The following ROBO1 variants were observed in gnomAD, a reference collection of about 807,000 sequenced individuals.
ROBO1 encodes the protein roundabout homolog 1.
ROBO1 carries 149 observed loss-of-function variants against 195.9 expected under a neutral mutation model. The observed-to-expected ratio is 0.76, with a 90% CI of 0.67 to 0.87. ROBO1 has a LOEUF of 0.87. Among genes scored for constraint, ROBO1 ranks in the 40% least tolerant of loss-of-function variants. The pLI is 0.00. For missense variants in ROBO1, 1,933 were observed against 2,068.3 expected (o/e 0.93, Z 1.27); for synonymous variants, 816 against 733.2 (o/e 1.11, Z -1.82).
intron 2 of ROBO1, among the ~76,000 whole-genome samples, chr3:79,455,875 T>G (rs1046556788): frequency 2.0e-5 from 3 of 152,136 alleles, no homozygotes; most frequent in Non-Finnish European, 4.4e-5. Context: ...CATGACACTC[T>G]GTAAAATATC....
intron 3 of ROBO1, among the ~76,000 whole-genome samples, chr3:78,999,660 G>C (rs1430911731): frequency 6.6e-6 from 1 of 152,088 alleles, no homozygotes; most frequent in Non-Finnish European, 1.5e-5. Context: ...ATATACCTTT[G>C]TAACAAACCT....
chr3:78,718,536 A>AT (rs2081958328), intron 5 of ROBO1, among the ~76,000 whole-genome samples: 1 of 152,122 alleles, frequency 6.6e-6, no homozygotes, highest in Admixed American at 6.6e-5. Context: ...ACTCTTGAAC[A>AT]TATAATTAAT....
intron 2 of ROBO1, among the ~76,000 whole-genome samples, chr3:79,234,666 T>C (rs189996557): frequency 7.6e-4 from 115 of 152,252 alleles, no homozygotes; most frequent in Non-Finnish European, 1.4e-3. Context: ...TCATGTTCTT[T>C]GCAGCAACAT....
chr3:78,720,953 G>T lies in ROBO1; in HGVS notation c.658-3070C>A, dbSNP rs188217728. Among the ~76,000 whole-genome samples the T allele has an allele frequency of 3.2e-3, 488 of 150,738 alleles. 5 individuals are homozygous for T. Among genetic ancestry groups the T allele is most frequent in the Non-Finnish European group, 4.7e-3 (316 of 67,908 alleles). Reference sequence around the variant, plus strand: ...ACACTGGGACCTGTTGTGGGGTTGGGGGGGGGGCGGTGGAGGCATAGCATT... The same window carrying T: ...ACACTGGGACCTGTTGTGGGGTTGGTGGGGGGGCGGTGGAGGCATAGCATT... On this transcript the variant is annotated intron_variant, in intron 5 of 30. Transcript: ENST00000464233.
chr3:79,412,873 G>GTT (rs1575790696), intron 2 of ROBO1, among the ~76,000 whole-genome samples: 2 of 34,828 alleles, frequency 5.7e-5, no homozygotes, highest in African/African-American at 1.2e-4. Flanking sequence ...CTCATGAGCT[G>GTT]ATTTTTTTTT....
intron 8 of ROBO1, among the ~76,000 whole-genome samples, chr3:78,705,665 G>C (rs567008584): frequency 2.0e-5 from 3 of 152,270 alleles, no homozygotes; most frequent in East Asian, 3.9e-4. Context: ...TTCTGGAAGA[G>C]ATTAGCATTT....
At chr3:79,530,358 G>A (rs1335239839) in intron 2 of ROBO1, among the ~76,000 whole-genome samples, 3 of 151,908 alleles carry the variant, frequency 2.0e-5, no homozygotes, top group Non-Finnish European at 2.9e-5. Flanking sequence ...TACTGAGTTC[G>A]AGAGAGATTT....
intron 19 of ROBO1, among the ~76,000 whole-genome samples, chr3:78,648,263 T>C (rs1706426411): frequency 1.3e-5 from 2 of 151,948 alleles, no homozygotes; most frequent in Non-Finnish European, 2.9e-5. Context: ...TTTCACTGAG[T>C]GGAAATGCCT....
intron 2 of ROBO1, among the ~76,000 whole-genome samples, chr3:79,166,343 A>G (rs2081062687): frequency 6.6e-6 from 1 of 152,144 alleles, no homozygotes; most frequent in South Asian, 2.1e-4. Flanking sequence ...GATGGTTATG[A>G]TGGTACTGCA....
At chr3:78,687,953 G>A (rs996554254) in intron 9 of ROBO1, among the ~76,000 whole-genome samples, 5 of 152,044 alleles carry the variant, frequency 3.3e-5, no homozygotes, top group African/African-American at 1.2e-4. Context: ...TATTGAAGAA[G>A]GCAAACCATT....
chr3:79,721,218 G>A (rs578200737), intron 1 of ROBO1, among the ~76,000 whole-genome samples: 78 of 152,226 alleles, frequency 5.1e-4, no homozygotes, highest in African/African-American at 1.8e-3. Context: ...GAACCCCTGT[G>A]CCAAATCATT....
intron 7 of ROBO1, among the ~76,000 whole-genome samples, chr3:78,716,818 C>A (rs1233165913): frequency 6.6e-6 from 1 of 152,078 alleles, no homozygotes; most frequent in Non-Finnish European, 1.5e-5. Flanking sequence ...CTGCTCCTGG[C>A]CAATTTAAGG....
chr3:78,713,837 G>A (rs965695767), intron 8 of ROBO1, among the ~76,000 whole-genome samples: 2 of 152,214 alleles, frequency 1.3e-5, no homozygotes, highest in African/African-American at 4.8e-5. Context: ...ACTGCAATTC[G>A]TTCAATCAAC....
intron 3 of ROBO1, 26 bp downstream of exon 3, chr3:79,125,430 T>C: frequency 1.3e-6 from 2 of 1,588,824 alleles, no homozygotes; most frequent in East Asian, 2.2e-5. Flanking sequence ...AGGAGGAAGT[T>C]AGTATTTGGG....
chr3:79,706,097 T>C (rs760260723), intron 1 of ROBO1, among the ~76,000 whole-genome samples: 3 of 152,114 alleles, frequency 2.0e-5, no homozygotes, highest in Non-Finnish European at 4.4e-5. Flanking sequence ...CAAACATGTC[T>C]GTCATCTGTT....
intron 1 of ROBO1, among the ~76,000 whole-genome samples, chr3:79,657,641 T>C (rs935270632): frequency 1.3e-5 from 2 of 152,072 alleles, no homozygotes; most frequent in Admixed American, 6.6e-5. Context: ...ATTTATTATA[T>C]GTATTAGATT....
At chr3:79,574,556 C>T (rs920300539) in intron 2 of ROBO1, among the ~76,000 whole-genome samples, 12 of 151,730 alleles carry the variant, frequency 7.9e-5, no homozygotes, top group African/African-American at 1.5e-4. Flanking sequence ...GTGGCAATTC[C>T]GCTTACCAAG....
At chr3:79,515,105 AAC>A (rs1249372233) in intron 2 of ROBO1, among the ~76,000 whole-genome samples, 2 of 152,134 alleles carry the variant, frequency 1.3e-5, no homozygotes, top group African/African-American at 4.8e-5. Flanking sequence ...TCCCCTTCCA[AAC>A]ACAGCCTGGA....
chr3:79,672,619 T>C (rs1406455693), intron 1 of ROBO1, among the ~76,000 whole-genome samples: 5 of 151,914 alleles, frequency 3.3e-5, no homozygotes, highest in African/African-American at 9.7e-5. Context: ...ATACTTTAAA[T>C]TGGGGGGACA....
Sources: allele counts gnomAD v4.1 joint callset (sites outside exome capture counted in the v4.1 genomes callset), GRCh38; gene constraint gnomAD v4.1.1; transcripts MANE v1.5; gene names NCBI Gene and HGNC (gene_info 2026-07-23, HGNC 2026-07-21).